KCNIP4: variants seen among roughly 807,000 people sequenced by gnomAD.
KCNIP4 encodes potassium voltage-gated channel interacting protein 4, also known as Kv channel-interacting protein 4.
In KCNIP4, 12 loss-of-function variants were observed where a neutral mutation model predicts 34.0. The observed-to-expected ratio is 0.35, with a 90% confidence interval of 0.23 to 0.57. KCNIP4 has a LOEUF of 0.57. Among genes scored for constraint, KCNIP4 ranks in the 20% least tolerant of loss-of-function variants. KCNIP4 has a pLI of 0.83. For missense variants in KCNIP4, 238 were observed against 311.7 expected, an observed-to-expected ratio of 0.76 and a Z score of 1.78; for synonymous variants, 124 against 102.2, an observed-to-expected ratio of 1.21 and a Z score of -1.29.
At chr4:21,852,295 G>A (rs1724461649) in intron 1 of KCNIP4, 1 of 152,076 alleles carries the variant, frequency 6.6e-6, no homozygotes, top group Non-Finnish European at 1.5e-5. Context: ...TTGAGGTTCT[G>A]GAAATAAATA....
At chr4:21,618,641 T>C (rs1744778328) in intron 1 of KCNIP4, among the ~76,000 whole-genome samples, 2 of 141,566 alleles carry the variant, frequency 1.4e-5, no homozygotes, top group East Asian at 4.0e-4. Flanking sequence ...TTTTTTTTTT[T>C]TTTTTTTTTG....
chr4:21,453,214 A>T (rs1728659755), intron 1 of KCNIP4, among the ~76,000 whole-genome samples: 1 of 152,098 alleles, frequency 6.6e-6, no homozygotes, highest in Non-Finnish European at 1.5e-5. Flanking sequence ...GATCCCTCCC[A>T]ATGTTGACAC....
At chr4:21,058,943 C>A (rs1307656270) in intron 1 of KCNIP4, among the ~76,000 whole-genome samples, 1 of 151,844 alleles carries the variant, frequency 6.6e-6, no homozygotes, top group African/African-American at 2.4e-5. Context: ...TGGGAGAGAC[C>A]CAGTGGGAGG....
intron 1 of KCNIP4, among the ~76,000 whole-genome samples, chr4:21,882,293 A>G (rs1726502848): frequency 6.6e-6 from 1 of 152,184 alleles, no homozygotes; most frequent in East Asian, 1.9e-4. Flanking sequence ...TGAAAAAATG[A>G]GGCTCAGAGT....
At chr4:21,332,068 C>G (rs1323114321) in intron 1 of KCNIP4, among the ~76,000 whole-genome samples, 4 of 152,000 alleles carry the variant, frequency 2.6e-5, no homozygotes, top group African/African-American at 9.7e-5. Context: ...AATCCCAAAA[C>G]AAGTGATTCC....
At chr4:21,206,635 C>T (rs1756872984) in intron 1 of KCNIP4, among the ~76,000 whole-genome samples, 1 of 152,166 alleles carries the variant, frequency 6.6e-6, no homozygotes, top group South Asian at 2.1e-4. Flanking sequence ...TTGAACAAGT[C>T]TCTTATTTTC....
At chr4:21,386,860 T>C (rs1370984710) in intron 1 of KCNIP4, among the ~76,000 whole-genome samples, 2 of 152,130 alleles carry the variant, frequency 1.3e-5, no homozygotes, top group Non-Finnish European at 2.9e-5. Flanking sequence ...AGCCTCAAAA[T>C]CTTCAAGGAA....
intron 1 of KCNIP4, among the ~76,000 whole-genome samples, chr4:20,919,668 A>T (rs1364336479): frequency 1.4e-5 from 2 of 143,094 alleles, no homozygotes; most frequent in Non-Finnish European, 3.0e-5. Flanking sequence ...GCACCACTGC[A>T]CTCCAGCCTG....
At chr4:20,801,558 G>A (rs923324319) in intron 3 of KCNIP4, among the ~76,000 whole-genome samples, 1 of 152,094 alleles carries the variant, frequency 6.6e-6, no homozygotes, top group African/African-American at 2.4e-5. Flanking sequence ...ATAGGGGGTG[G>A]AGAGTAAAAG....
intron 1 of KCNIP4, among the ~76,000 whole-genome samples, chr4:20,895,464 G>C (rs1053820522): frequency 6.6e-6 from 1 of 152,126 alleles, no homozygotes; most frequent in Non-Finnish European, 1.5e-5. Context: ...CAAGGAAGTT[G>C]GGAGATGAAT....
intron 1 of KCNIP4, among the ~76,000 whole-genome samples, chr4:21,584,558 T>A (rs73252278): frequency 0.029 from 4,442 of 152,142 alleles, 74 homozygotes; most frequent in South Asian, 0.073. Context: ...TAATTTAAAA[T>A]AGGAAATTAA....
At chr4:21,691,591 A>C (rs537388429) in intron 1 of KCNIP4, among the ~76,000 whole-genome samples, 5 of 151,988 alleles carry the variant, frequency 3.3e-5, no homozygotes, top group Non-Finnish European at 5.9e-5. Flanking sequence ...GTGAAACTTA[A>C]ACGTTTCTTT....
At chr4:21,070,357 T>C (rs905693011) in intron 1 of KCNIP4, among the ~76,000 whole-genome samples, 6 of 152,024 alleles carry the variant, frequency 3.9e-5, no homozygotes, top group Admixed American at 3.3e-4. Context: ...CAGAGTACAG[T>C]TGCTGGGTTG....
At chr4:20,744,319 T>C (rs1023966288) in intron 5 of KCNIP4, among the ~76,000 whole-genome samples, 3 of 152,230 alleles carry the variant, frequency 2.0e-5, no homozygotes, top group Non-Finnish European at 4.4e-5. Flanking sequence ...TGTATGTTTA[T>C]TGCGGCACTA....
intron 1 of KCNIP4, among the ~76,000 whole-genome samples, chr4:21,407,966 TA>T (rs991526095): frequency 6.6e-5 from 10 of 152,190 alleles, no homozygotes; most frequent in African/African-American, 2.2e-4. Flanking sequence ...ATCCACAGGC[TA>T]AAAAAATAAA....
At chr4:21,886,506 G>T (rs1038228175) in intron 1 of KCNIP4, among the ~76,000 whole-genome samples, 1 of 152,210 alleles carries the variant, frequency 6.6e-6, no homozygotes, top group Non-Finnish European at 1.5e-5. Flanking sequence ...TTTACAGAGG[G>T]AGTAAGCGGA....
chr4:21,214,079 T>A (rs542766831), intron 1 of KCNIP4, among the ~76,000 whole-genome samples: 3 of 152,312 alleles, frequency 2.0e-5, no homozygotes, highest in South Asian at 4.1e-4. Flanking sequence ...GGACTACTGA[T>A]TTTTACCTTA....
intron 3 of KCNIP4, among the ~76,000 whole-genome samples, chr4:20,826,392 T>C (rs910176433): frequency 2.6e-5 from 4 of 151,896 alleles, no homozygotes; most frequent in Non-Finnish European, 5.9e-5. Flanking sequence ...CTGGGCAGCA[T>C]AGTGAGACCC....
chr4:21,904,862 A>G (rs2108973062), intron 1 of KCNIP4, among the ~76,000 whole-genome samples: 1 of 152,264 alleles, frequency 6.6e-6, no homozygotes, highest in South Asian at 2.1e-4. Context: ...GACATTGCCC[A>G]ATTTATTCTG....
Sources: allele counts gnomAD v4.1 joint callset (sites outside exome capture counted in the v4.1 genomes callset), GRCh38; gene constraint gnomAD v4.1.1; transcripts MANE v1.5; gene names NCBI Gene and HGNC (gene_info 2026-07-23, HGNC 2026-07-21).